The following DNAJC11 variants were observed in gnomAD, a reference collection of about 807,000 sequenced individuals.
DNAJC11 encodes the protein DnaJ heat shock protein family (Hsp40) member C11, also known as dnaJ homolog subfamily C member 11.
Under a neutral mutation model 78.6 loss-of-function variants are expected in DNAJC11, and 15 were observed. The observed-to-expected ratio is 0.19, with a 90% CI of 0.13 to 0.29. DNAJC11 has a LOEUF of 0.29. Among genes scored for constraint, DNAJC11 ranks in the 10% least tolerant of loss-of-function variants. DNAJC11 has a pLI of 1.00. For missense variants in DNAJC11, 547 were observed against 709.6 expected (o/e 0.77, Z 2.60); for synonymous variants, 292 against 272.1 (o/e 1.07, Z -0.72).
chr1:6,651,713 T>C, intron 6 of DNAJC11, 111 bp from the exon 7 acceptor site: 1 of 789,666 alleles, frequency 1.3e-6, no homozygotes, highest in Non-Finnish European at 2.1e-6. Context: ...TCACTGGTCT[T>C]GCCAGGGCTC....
intron 1 of DNAJC11, among the ~76,000 whole-genome samples, chr1:6,693,095 T>C (rs938998155): frequency 6.6e-6 from 1 of 150,892 alleles, no homozygotes; most frequent in Non-Finnish European, 1.5e-5. Context: ...GTATTTTTAG[T>C]ACAGACAGGG....
rs559781210 is a variant in DNAJC11, at chr1:6,651,714, G to T, written c.631-112C>A. On this transcript the variant is annotated intron_variant, in intron 6 of 15. Coordinates refer to ENST00000377577, the MANE Select transcript of DNAJC11 (RefSeq NM_018198.4). ...TTCCTTCATTCAATTCACTGGTCTT[G>T]CCAGGGCTCTAAAAGAAGGGGGTGG... The T allele has an allele frequency of 9.4e-5, 74 of 783,888 alleles. No individual in the cohort carries two copies. In the African/African-American group the frequency reaches 1.1e-3, roughly 11 times the overall value. 48.6% of individuals were successfully genotyped at this position (783,888 alleles called of 1,614,324 possible). A position where few individuals can be genotyped will look rare whatever the true frequency, so the allele number is the denominator to read the frequency against.
At chr1:6,644,413 C>A (rs747128023) in intron 10 of DNAJC11, 145 bp downstream of exon 10, 2 of 683,002 alleles carry the variant, frequency 2.9e-6, no homozygotes, top group Non-Finnish European at 5.2e-6. Flanking sequence ...GGATTACAGG[C>A]ATAAGCCACT....
rs1204813154 is a variant in DNAJC11 at position 6,680,377 on chromosome 1, T to C, written c.202+531A>G. On this transcript the variant is annotated intron_variant, in intron 2 of 15. Transcript: ENST00000377577. The surrounding 1 kb of genome is among the most constrained non-coding windows in gnomAD (Gnocchi z 4.0). ...ATCTGGTAGTGACTTTAATATTTTA[T>C]AAACAAATATATCACAGAATGTTCT... Among the ~76,000 whole-genome samples the C allele has an allele frequency of 6.6e-6, 1 of 152,232 alleles. No individual in the cohort carries two copies. The highest frequency in any genetic ancestry group is 1.5e-5 in the Non-Finnish European group (1 of 68,036).
At chr1:6,677,157 TCAAAAAAAAAAAAAAAA>T (rs1216025554) in intron 3 of DNAJC11, among the ~76,000 whole-genome samples, 1 of 59,958 alleles carries the variant, frequency 1.7e-5, no homozygotes, top group Admixed American at 2.5e-4. Flanking sequence ...AAACTTGGTC[TCAAAAAAAAAAAAAAAA>T]CAAAAAAAAC....
Position 6,678,571 on chromosome 1 carries a change from T to A in DNAJC11, c.203-104A>T, listed in dbSNP as rs886776220. The A allele has an allele frequency of 3.7e-5, 33 of 889,082 alleles. No individual in the cohort carries two copies. In the African/African-American group the frequency reaches 5.4e-4, roughly 15 times the overall value. The allele number at this position is 889,082 out of a possible 1,614,324, so 55.1% of individuals were successfully genotyped here. A position where few individuals can be genotyped will look rare whatever the true frequency, so the allele number is the denominator to read the frequency against. ...GTAAGCCCATCTCCTGTTCTCCCTG[T>A]CTGATCACAATCTTCCTAGAGACCC... On this transcript the variant is annotated intron_variant, in intron 2 of 15. Coordinates refer to ENST00000377577, the MANE Select transcript of DNAJC11 (RefSeq NM_018198.4).
At chr1:6,641,897 C>T (rs888458318) in intron 10 of DNAJC11, among the ~76,000 whole-genome samples, 2 of 152,068 alleles carry the variant, frequency 1.3e-5, no homozygotes, top group African/African-American at 4.8e-5. Flanking sequence ...GGAGATGGCC[C>T]TTCAGATGGA....
chr1:6,699,425 T>C (rs1642889887), intron 1 of DNAJC11, among the ~76,000 whole-genome samples: 1 of 152,240 alleles, frequency 6.6e-6, no homozygotes, highest in Non-Finnish European at 1.5e-5. Context: ...CTAAAACTAT[T>C]ACTCTAGACC....
intron 1 of DNAJC11, among the ~76,000 whole-genome samples, chr1:6,684,362 G>A (rs1223355471): frequency 6.6e-6 from 1 of 152,214 alleles, no homozygotes; most frequent in Non-Finnish European, 1.5e-5. Context: ...GATTACAGGC[G>A]TGAGCCACTG....
At chr1:6,669,532 AAAG>A (rs991207803) in intron 3 of DNAJC11, among the ~76,000 whole-genome samples, 4 of 147,168 alleles carry the variant, frequency 2.7e-5, no homozygotes, top group African/African-American at 7.9e-5. Flanking sequence ...AAAGAAAAGA[AAAG>A]AAAAGAAAAG....
intron 1 of DNAJC11, among the ~76,000 whole-genome samples, chr1:6,686,720 G>A (rs1236418246): frequency 1.3e-5 from 2 of 152,164 alleles, no homozygotes; most frequent in Non-Finnish European, 2.9e-5. Context: ...TTGGGTGAAC[G>A]GTACTTATAC....
chr1:6,635,820 A>G lies in DNAJC11; in HGVS notation c.1655-120T>C, dbSNP rs536710863. ...TGGCTGGGCCCAGGCGAGGCAGAGC[A>G]CCCGCTGCTGAAAATCAACTGCTGC... On this transcript the variant is annotated intron_variant, in intron 15 of 15. Coordinates refer to ENST00000377577, the MANE Select transcript of DNAJC11 (RefSeq NM_018198.4). The G allele has an allele frequency of 4.0e-4, 494 of 1,246,376 alleles. 1 individual carries two copies. The African/African-American group carries it at 6.7e-3, about 17-fold the overall frequency. The allele number at this position is 1,246,376 out of a possible 1,614,324, so 77.2% of individuals were successfully genotyped here.
At chr1:6,652,220 A>G (rs1435385127) in intron 6 of DNAJC11, among the ~76,000 whole-genome samples, 4 of 152,212 alleles carry the variant, frequency 2.6e-5, no homozygotes, top group Non-Finnish European at 5.9e-5. Context: ...TTAAATGGCC[A>G]CCAATCAGTG....
chr1:6,691,171 A>G (rs931460993), intron 1 of DNAJC11, among the ~76,000 whole-genome samples: 1 of 147,880 alleles, frequency 6.8e-6, no homozygotes, highest in African/African-American at 2.5e-5. Flanking sequence ...ATTAGTAACA[A>G]CAGAATCCCA....
intron 1 of DNAJC11, among the ~76,000 whole-genome samples, chr1:6,681,410 A>G (rs1373732932): frequency 6.6e-6 from 1 of 152,234 alleles, no homozygotes; most frequent in East Asian, 1.9e-4. Context: ...GGTTCAGGCA[A>G]AGAAAAGCTA....
intron 4 of DNAJC11, among the ~76,000 whole-genome samples, chr1:6,657,675 T>C (rs1271163678): frequency 1.3e-5 from 2 of 152,202 alleles, no homozygotes; most frequent in East Asian, 1.9e-4. Context: ...GATGGAGTCT[T>C]GCTCTGTCGC....
At chr1:6,638,874 C>T (rs562616168) in intron 11 of DNAJC11, among the ~76,000 whole-genome samples, 1 of 152,300 alleles carries the variant, frequency 6.6e-6, no homozygotes, top group South Asian at 2.1e-4. Flanking sequence ...ATCCGCTTTC[C>T]TGTAACAAAG....
chr1:6,681,116 GA>G, intron 1 of DNAJC11, 79 bp from the exon 2 acceptor site: 1 of 1,454,762 alleles, frequency 6.9e-7, no homozygotes, highest in Non-Finnish European at 9.3e-7. Context: ...CTTGAAATGG[GA>G]ACCCATCAGC....
chr1:6,649,773 T>A (rs1642025585), intron 7 of DNAJC11, among the ~76,000 whole-genome samples: 1 of 151,350 alleles, frequency 6.6e-6, no homozygotes, highest in African/African-American at 2.4e-5. Context: ...AGTGGTGTGA[T>A]CTTGGATCAT....
Sources: gnomAD v4.1 joint callset for allele counts (sites outside exome capture counted in the v4.1 genomes callset) on GRCh38, gnomAD v4.1.1 for gene constraint, Gnocchi (gnomAD v3.1) non-coding constraint, MANE v1.5 for transcripts, NCBI Gene and HGNC (gene_info 2026-07-23, HGNC 2026-07-21) for gene names.